Variants in HDAC9 observed in about 807,000 individuals in gnomAD.
HDAC9 encodes histone deacetylase 9.
A neutral mutation model predicts 139.4 loss-of-function variants in HDAC9; 41 were observed. That is an observed-to-expected ratio of 0.29 (90% CI 0.23 to 0.38). The LOEUF is 0.38. HDAC9 is among the 10% of genes least tolerant of loss of function. HDAC9 has a pLI of 1.00. For missense variants in HDAC9, 1,147 were observed against 1,297.0 expected (o/e 0.88, Z 1.78); for synonymous variants, 517 against 476.2 (o/e 1.09, Z -1.12).
At chr7:18,103,042 C>A (rs545923384) in intron 1 of HDAC9, among the ~76,000 whole-genome samples, 8 of 152,262 alleles carry the variant, frequency 5.3e-5, no homozygotes, top group Admixed American at 4.6e-4. Flanking sequence ...ACTCACAGTT[C>A]CACATTGCGG....
chr7:18,183,333 C>A (rs1789649756), intron 2 of HDAC9, among the ~76,000 whole-genome samples: 1 of 151,996 alleles, frequency 6.6e-6, no homozygotes, highest in Non-Finnish European at 1.5e-5. Context: ...TAAAAAAAGC[C>A]CTTGAATATT....
Position 18,429,565 on chromosome 7 carries a change from CTG to C in HDAC9, c.-41-66681_-41-66680del, listed in dbSNP as rs35916049. Reference sequence around the variant, plus strand: ...TGTGTGTATTTGTGTGTGTGTGTGTCTGTGTGTGTGTGTGTGTATGTATTTTA... The same window carrying C: ...TGTGTGTATTTGTGTGTGTGTGTGTCTGTGTGTGTGTGTGTATGTATTTTA... On this transcript the variant is annotated intron_variant, in intron 1 of 3. Coordinates refer to the HDAC9 transcript ENST00000413509. Among the ~76,000 whole-genome samples the C allele has an allele frequency of 3.0e-3, 411 of 137,488 alleles. 3 individuals are homozygous for C. Among genetic ancestry groups the C allele is most frequent in the Middle Eastern group, 7.4e-3 (2 of 272 alleles). 90.2% of individuals were successfully genotyped at this position (137,488 alleles called of 152,430 possible).
At position 18,996,261 on chromosome 7, in the gene HDAC9, T is replaced by C; in HGVS notation, c.*199T>C. The C allele has an allele frequency of 2.0e-6, 1 of 501,372 alleles. No individual in the cohort carries two copies. Among genetic ancestry groups the C allele is most frequent in the Non-Finnish European group, 3.6e-6 (1 of 275,866 alleles). The allele number at this position is 501,372 out of a possible 1,614,324, so 31.1% of individuals were successfully genotyped here. On this transcript the variant is annotated 3_prime_UTR_variant, in exon 26 of 26. Coordinates refer to ENST00000686413, the MANE Select transcript of HDAC9 (RefSeq NM_178425.4). ...AAGGGCATTAAAGATTCCTTAAACG[T>C]AACCGCTGTGATTCTAGAGTTACAG...
At chr7:18,748,537 AC>A (rs1562910009) in intron 13 of HDAC9, among the ~76,000 whole-genome samples, 1 of 152,196 alleles carries the variant, frequency 6.6e-6, no homozygotes, top group Non-Finnish European at 1.5e-5. Flanking sequence ...CCGTTTTATT[AC>A]AAAAATGAAA....
chr7:18,290,515 GGTAA>G lies in HDAC9; in HGVS notation c.-42+3_-42+6del. 1 of 456,506 alleles carries G rather than the reference GGTAA, an allele frequency of 2.2e-6. No homozygotes were observed. The highest frequency in any genetic ancestry group is 4.4e-6 in the Non-Finnish European group (1 of 226,882). The allele number at this position is 456,506 out of a possible 1,614,324, so 28.3% of individuals were successfully genotyped here. A position where few individuals can be genotyped will look rare whatever the true frequency, so the allele number is the denominator to read the frequency against. On this transcript the variant is annotated splice_donor_variant and splice_donor_region_variant and intron_variant, in intron 1 of 3. Transcript: ENST00000413509. LOFTEE classifies it low-confidence loss of function (5UTR_SPLICE). ...CAAAGAGGGAATGCACAACAAAACG[GGTAA>G]GTTTCTTTATTTTAATCTTTTAAGA...
chr7:18,179,718 C>T (rs919136365), intron 2 of HDAC9, among the ~76,000 whole-genome samples: 1 of 152,200 alleles, frequency 6.6e-6, no homozygotes, highest in Non-Finnish European at 1.5e-5. Flanking sequence ...AGCCCAAGGA[C>T]TTAAACGCAG....
intron 21 of HDAC9, among the ~76,000 whole-genome samples, chr7:18,841,515 C>T (rs960554970): frequency 6.6e-6 from 1 of 151,866 alleles, no homozygotes; most frequent in African/African-American, 2.4e-5. Context: ...AGGCAGTTAC[C>T]ACGCTTCTTG....
At chr7:18,560,487 C>T (rs1365895565) in intron 2 of HDAC9, among the ~76,000 whole-genome samples, 1 of 152,154 alleles carries the variant, frequency 6.6e-6, no homozygotes, top group Non-Finnish European at 1.5e-5. Flanking sequence ...GTGACAGCTG[C>T]TTGGTTTCCT....
At chr7:18,264,878 T>A (rs1795903800) in intron 2 of HDAC9, among the ~76,000 whole-genome samples, 1 of 152,246 alleles carries the variant, frequency 6.6e-6, no homozygotes, top group Non-Finnish European at 1.5e-5. Context: ...ATCTATACTT[T>A]TAAAAACATT....
At chr7:18,685,684 A>G (rs1380367192) in intron 12 of HDAC9, among the ~76,000 whole-genome samples, 2 of 152,014 alleles carry the variant, frequency 1.3e-5, no homozygotes, top group African/African-American at 4.8e-5. Flanking sequence ...CTATTTTTGA[A>G]CTAGAATTGG....
Position 18,767,109 on chromosome 7 carries a change from A to G in HDAC9, c.2168A>G (p.Asp723Gly). 1 of 1,545,368 alleles carries G rather than the reference A, an allele frequency of 6.5e-7. No homozygotes were observed. ...TTTATGTCTTCTTACTGTATAGGTGATGACTCTCAAAAGTTTTTTTCCTCA... is the reference window on the plus strand; with the variant it reads ...TTTATGTCTTCTTACTGTATAGGTGGTGACTCTCAAAAGTTTTTTTCCTCA... The part of the protein sequence containing the change: ...QKLDPRILLG[D>G]DSQKFFSSLP... The change falls in exon 16 of 26, where the codon GAT (aspartate) becomes GGT (glycine). Residue 723 changes from aspartate to glycine, a missense_variant. Asp to Gly is a moderately conservative substitution (Grantham distance 94). Transcript: ENST00000686413.
chr7:18,311,633 C>T (rs1201831507), intron 1 of HDAC9, among the ~76,000 whole-genome samples: 1 of 152,072 alleles, frequency 6.6e-6, no homozygotes, highest in Non-Finnish European at 1.5e-5. Flanking sequence ...AGTCTGTCTC[C>T]AAAGCCCTCG....
chr7:18,816,344 C>G (rs1231398334), intron 17 of HDAC9, among the ~76,000 whole-genome samples: 1 of 152,166 alleles, frequency 6.6e-6, no homozygotes, highest in African/African-American at 2.4e-5. Flanking sequence ...TTTTTCATCA[C>G]AGAGATTAGT....
At chr7:18,674,976 A>G (rs1344548004) in intron 12 of HDAC9, among the ~76,000 whole-genome samples, 5 of 152,002 alleles carry the variant, frequency 3.3e-5, no homozygotes, top group African/African-American at 7.2e-5. Context: ...ATACATTTTT[A>G]GATAAAAATA....
rs1014528949 is a variant in HDAC9 at position 18,184,740 on chromosome 7, A to G, written c.25+22391A>G. On this transcript the variant is annotated intron_variant, in intron 2 of 12. Coordinates refer to the HDAC9 transcript ENST00000417496. ...TCGGATTATTTCACAATCAGAATCC[A>G]GCATATTCATTTGAAAGGTGTAGGG... Among the ~76,000 whole-genome samples, 3 of 152,358 alleles carry G rather than the reference A, an allele frequency of 2.0e-5. No homozygotes were observed. The East Asian group carries it at 5.8e-4, about 29-fold the overall frequency.
At chr7:18,255,284 G>T (rs2128202077) in intron 2 of HDAC9, among the ~76,000 whole-genome samples, 1 of 152,284 alleles carries the variant, frequency 6.6e-6, no homozygotes, top group South Asian at 2.1e-4. Flanking sequence ...AATTGGTCAG[G>T]AGACAGATAA....
At chr7:18,636,845 A>AT (rs1562685584) in intron 8 of HDAC9, among the ~76,000 whole-genome samples, 1 of 149,956 alleles carries the variant, frequency 6.7e-6, no homozygotes, top group Non-Finnish European at 1.5e-5. Context: ...ACTATTTAGT[A>AT]AATTTCCAGG....
intron 24 of HDAC9, among the ~76,000 whole-genome samples, chr7:18,956,107 A>G (rs1783126352): frequency 6.6e-6 from 1 of 152,084 alleles, no homozygotes; most frequent in Admixed American, 6.6e-5. Context: ...TCAATCTACT[A>G]TCAAAACTTG....
At chr7:18,280,130 G>A (rs1246336202) in intron 2 of HDAC9, among the ~76,000 whole-genome samples, 4 of 152,272 alleles carry the variant, frequency 2.6e-5, no homozygotes, top group East Asian at 1.9e-4. Context: ...GGATAGGTTC[G>A]TGAGACTTAT....
Sources: gnomAD v4.1 joint callset for allele counts (sites outside exome capture counted in the v4.1 genomes callset) on GRCh38, gnomAD v4.1.1 for gene constraint, MANE v1.5 for transcripts, NCBI Gene and HGNC (gene_info 2026-07-23, HGNC 2026-07-21) for gene names.